Variants in CYSLTR2 observed in about 807,000 individuals in gnomAD.
CYSLTR2 encodes G-protein coupled receptor GPCR21.
For missense variants in CYSLTR2, 398 were observed against 411.9 expected (o/e 0.97, Z 0.29); for synonymous variants, 179 against 160.8 (o/e 1.11, Z -0.86).
intron 1 of CYSLTR2, among the ~76,000 whole-genome samples, chr13:48,689,907 T>C (rs534633218): frequency 1.3e-5 from 2 of 152,352 alleles, no homozygotes; most frequent in South Asian, 4.1e-4. Context: ...TTTTTCCATT[T>C]GTTTGTGTCC....
intron 4 of CYSLTR2, among the ~76,000 whole-genome samples, chr13:48,703,056 G>C (rs1322815289): frequency 6.6e-6 from 1 of 152,046 alleles, no homozygotes; most frequent in Admixed American, 6.6e-5. Context: ...AATATAAATA[G>C]TATTGCATTT....
intron 1 of CYSLTR2, among the ~76,000 whole-genome samples, chr13:48,683,219 A>C (rs1953805820): frequency 6.6e-6 from 1 of 152,136 alleles, no homozygotes; most frequent in African/African-American, 2.4e-5. Context: ...TGATAAAATG[A>C]TTTATATTCC....
intron 4 of CYSLTR2, among the ~76,000 whole-genome samples, chr13:48,704,759 T>C (rs966995146): frequency 1.3e-5 from 2 of 152,224 alleles, no homozygotes; most frequent in African/African-American, 4.8e-5. Flanking sequence ...TTTCCTGTTA[T>C]CTTGCTGCTG....
At position 48,703,862 on chromosome 13, in the gene CYSLTR2, G is replaced by A. The variant is rs142784266; in HGVS notation, c.-1-2955G>A. Among the ~76,000 whole-genome samples the A allele has an allele frequency of 5.6e-3, 854 of 152,172 alleles. 1 individual carries two copies. The highest frequency in any genetic ancestry group is 9.6e-3 in the Admixed American group (147 of 15,274). The stretch of plus-strand genomic sequence containing the variant: ...TCCAGTGAAGCCATCTGGATCTGGA[G>A]GTTTCTTTTTTGAGAGTTTTTCAAT... On this transcript the variant is annotated intron_variant, in intron 4 of 4. Coordinates refer to ENST00000682523, the MANE Select transcript of CYSLTR2 (RefSeq NM_001308476.3).
At chr13:48,680,800 C>CTTTTTTTTTTTTTTTTTTTTTTTTT (rs139896583) in intron 1 of CYSLTR2, among the ~76,000 whole-genome samples, 3 of 55,048 alleles carry the variant, frequency 5.4e-5, no homozygotes, top group Non-Finnish European at 7.0e-5. Context: ...CTTTTCTTTT[C>CTTTTTTTTTTTTTTTTTTTTTTTTT]TTTTTTTTTT....
chr13:48,663,312 T>A (rs570684498), intron 1 of CYSLTR2, among the ~76,000 whole-genome samples: 3 of 152,284 alleles, frequency 2.0e-5, no homozygotes, highest in Admixed American at 2.0e-4. Flanking sequence ...CAGGTTTGCT[T>A]TAGCTATTTG....
At chr13:48,703,287 TC>T in intron 4 of CYSLTR2, among the ~76,000 whole-genome samples, 1 of 152,298 alleles carries the variant, frequency 6.6e-6, no homozygotes, top group East Asian at 1.9e-4. Flanking sequence ...TCCTTTCTAA[TC>T]TATATGATAT....
At chr13:48,682,909 CTGT>C (rs1953795212) in intron 1 of CYSLTR2, among the ~76,000 whole-genome samples, 1 of 152,068 alleles carries the variant, frequency 6.6e-6, no homozygotes, top group South Asian at 2.1e-4. Flanking sequence ...ATGCCAGTGT[CTGT>C]TGTTCTTCTC....
At chr13:48,700,828 G>A (rs931696762) in intron 4 of CYSLTR2, among the ~76,000 whole-genome samples, 8 of 152,074 alleles carry the variant, frequency 5.3e-5, no homozygotes, top group African/African-American at 1.2e-4. Context: ...ACAAAATCAA[G>A]TGCAAAAATC....
chr13:48,678,764 G>T (rs895565711), intron 1 of CYSLTR2, among the ~76,000 whole-genome samples: 3 of 152,084 alleles, frequency 2.0e-5, no homozygotes, highest in African/African-American at 7.2e-5. Context: ...CCTAATACCT[G>T]AGAGGAACCT....
intron 1 of CYSLTR2, among the ~76,000 whole-genome samples, chr13:48,664,451 C>T: frequency 6.6e-6 from 1 of 151,888 alleles, no homozygotes; most frequent in Middle Eastern, 3.2e-3. Flanking sequence ...ATCAGTGAAG[C>T]CATCTGGTGT....
At chr13:48,688,050 T>C (rs1953940659) in intron 1 of CYSLTR2, among the ~76,000 whole-genome samples, 1 of 152,202 alleles carries the variant, frequency 6.6e-6, no homozygotes, top group Non-Finnish European at 1.5e-5. Flanking sequence ...TTACCCAGGA[T>C]AGGCCCAATC....
At chr13:48,678,098 A>G (rs928447070) in intron 1 of CYSLTR2, among the ~76,000 whole-genome samples, 8 of 152,038 alleles carry the variant, frequency 5.3e-5, no homozygotes, top group East Asian at 3.9e-4. Flanking sequence ...TGGAGAGGAG[A>G]TCTGCATTTT....
intron 4 of CYSLTR2, among the ~76,000 whole-genome samples, chr13:48,698,208 A>G (rs1017620156): frequency 6.6e-6 from 1 of 152,202 alleles, no homozygotes; most frequent in Non-Finnish European, 1.5e-5. Context: ...CAACTCCAAG[A>G]CACATAATTG....
At chr13:48,685,604 G>T (rs541936360) in intron 1 of CYSLTR2, among the ~76,000 whole-genome samples, 44 of 152,290 alleles carry the variant, frequency 2.9e-4, no homozygotes, top group Non-Finnish European at 5.0e-4. Context: ...GCTTGGAAAT[G>T]CTGATGTACC....
At chr13:48,663,032 G>A (rs1024315337) in intron 1 of CYSLTR2, among the ~76,000 whole-genome samples, 1 of 152,062 alleles carries the variant, frequency 6.6e-6, no homozygotes, top group African/African-American at 2.4e-5. Context: ...TGTAGAGTGA[G>A]AGGTTTGGGC....
chr13:48,697,582 A>T (rs7329116), intron 4 of CYSLTR2, among the ~76,000 whole-genome samples: 4,474 of 152,278 alleles, frequency 0.029, 234 homozygotes, highest in African/African-American at 0.1. Flanking sequence ...AAAAGCTGAA[A>T]ATTCTAAAAA....
In CYSLTR2 at chr13:48,707,707, A is replaced by T. The variant is rs1954541783; in HGVS notation, c.890A>T (p.Asn297Ile). 4 of 1,613,584 alleles carry T rather than the reference A, an allele frequency of 2.5e-6. No homozygotes were observed. Among genetic ancestry groups the T allele is most frequent in the Non-Finnish European group, 3.4e-6 (4 of 1,179,546 alleles). The change falls in exon 5 of 5, where the codon AAT becomes ATT. Residue 297 changes from asparagine (N) to isoleucine (I), a missense_variant. Physicochemically the swap from Asn to Ile is moderately radical, Grantham distance 149. Transcript: ENST00000682523. ...LVITLALAAANACFNPLLYYF... is the reference protein window; with the variant it reads ...LVITLALAAAIACFNPLLYYF... ...ATCACACTGGCCTTGGCAGCAGCCA[A>T]TGCCTGCTTCAATCCTCTGCTCTAT...
At chr13:48,695,303 CTTTCTTTCTCTCTCTTTTTCT>C (rs1037207474) in intron 3 of CYSLTR2, among the ~76,000 whole-genome samples, 9 of 143,026 alleles carry the variant, frequency 6.3e-5, no homozygotes, top group African/African-American at 2.3e-4. Context: ...TCTCTTTCTT[CTTTCTTTCTCTCTCTTTTTCT>C]TTTCTTTCTC....
Sources: gnomAD v4.1 joint callset for allele counts (sites outside exome capture counted in the v4.1 genomes callset) on GRCh38, gnomAD v4.1.1 for gene constraint, MANE v1.5 for transcripts, NCBI Gene and HGNC (gene_info 2026-07-23, HGNC 2026-07-21) for gene names.